The following APOL6 variants were observed in gnomAD, a reference collection of about 807,000 sequenced individuals.
APOL6 encodes apolipoprotein L, 6.
In APOL6, 1 loss-of-function variant was observed where a neutral mutation model predicts 2.4. The observed-to-expected ratio is 0.41, with a 90% CI of 0.15 to 1.94. The LOEUF is 1.94. APOL6 is among the 30% of genes most tolerant of loss of function. APOL6 has a pLI of 0.30. For missense variants in APOL6, 438 were observed against 429.2 expected (o/e 1.02, Z -0.18); for synonymous variants, 189 against 169.3 (o/e 1.12, Z -0.90).
chr22:35,648,889 A>C (rs1245918062), intron 1 of APOL6, among the ~76,000 whole-genome samples: 1 of 152,192 alleles, frequency 6.6e-6, no homozygotes, highest in Non-Finnish European at 1.5e-5. Context: ...GCCAAGTTGC[A>C]TTTGTCCCTC....
rs949327724 is a variant in APOL6 at position 35,660,246 on chromosome 22, T to C, written c.*650T>C. On this transcript the variant is annotated 3_prime_UTR_variant, in exon 3 of 3. Coordinates refer to ENST00000409652, the MANE Select transcript of APOL6 (RefSeq NM_030641.4). ...GCCATAGGGTGAGGTCCTAACCCGA[T>C]GGAATTGACTTCTTTATAAGAGGAG... 1 of 152,438 alleles carries C rather than the reference T, an allele frequency of 6.6e-6. No individual in the cohort carries two copies. Among genetic ancestry groups the C allele is most frequent in the Non-Finnish European group, 1.5e-5 (1 of 68,230 alleles). 9.4% of individuals were successfully genotyped at this position (152,438 alleles called of 1,614,324 possible).
intron 2 of APOL6, among the ~76,000 whole-genome samples, chr22:35,657,245 T>C (rs1924870052): frequency 6.6e-6 from 1 of 152,208 alleles, no homozygotes; most frequent in Admixed American, 6.5e-5. Context: ...TGGCATCTTT[T>C]ATGTCTGGGG....
Position 35,667,600 on chromosome 22 carries a change from G to A in APOL6, c.*8004G>A, listed in dbSNP as rs1486182117. ...TATCTGCAATTTTCACATTCATTAG[G>A]TTTCAACATATAAACTTTCAGGGGA... is the stretch of plus-strand genomic sequence containing the variant. On this transcript the variant is annotated 3_prime_UTR_variant, in exon 3 of 3. Coordinates refer to ENST00000409652, the MANE Select transcript of APOL6 (RefSeq NM_030641.4). 2 of 152,128 alleles carry A rather than the reference G, an allele frequency of 1.3e-5. No homozygotes were observed. The highest frequency in any genetic ancestry group is 2.9e-5 in the Non-Finnish European group (2 of 68,020). The allele number at this position is 152,128 out of a possible 1,614,324, so 9.4% of individuals were successfully genotyped here.
chr22:35,658,999 A>G lies in APOL6; in HGVS notation c.435A>G (p.Ile145Met). ...NKEAQARAED[I>M]LPTYDQEDRE... ...AAGCCCAAGCACGGGCGGAAGACAT[A>G]CTGCCCACCTACGACCAAGAGGACA... Residue 145 changes from isoleucine to methionine, a missense_variant, in exon 3 of 3, where the codon ATA becomes ATG. Transcript: ENST00000409652. The G allele has an allele frequency of 6.2e-7, 1 of 1,613,894 alleles. No homozygotes were observed. Among genetic ancestry groups the G allele is most frequent in the Non-Finnish European group, 8.5e-7 (1 of 1,180,020 alleles).
At position 35,666,207 on chromosome 22, in the gene APOL6, C is replaced by T. The variant is rs1311798829; in HGVS notation, c.*6611C>T. 1 of 152,160 alleles carries T rather than the reference C, an allele frequency of 6.6e-6. No homozygotes were observed. Among genetic ancestry groups the T allele is most frequent in the Non-Finnish European group, 1.5e-5 (1 of 68,036 alleles). The allele number at this position is 152,160 out of a possible 1,614,324, so 9.4% of individuals were successfully genotyped here. On this transcript the variant is annotated 3_prime_UTR_variant, in exon 3 of 3. Transcript: ENST00000409652. The stretch of plus-strand genomic sequence containing the variant: ...TTTCCTTGTCAGTTTTGTCTTTTGA[C>T]TATGGCTGCCTTAAAACTTTTTTCT...
chr22:35,653,698 CCTT>C (rs1288368163), intron 1 of APOL6, among the ~76,000 whole-genome samples: 2 of 152,136 alleles, frequency 1.3e-5, no homozygotes, highest in East Asian at 1.9e-4. Flanking sequence ...CACCAATTTA[CCTT>C]CTTCTGGTCA....
Position 35,658,577 on chromosome 22 carries a change from G to T in APOL6, c.51-38G>T, listed in dbSNP as rs546774635. On this transcript the variant is annotated intron_variant, in intron 2 of 2. Coordinates refer to ENST00000409652, the MANE Select transcript of APOL6 (RefSeq NM_030641.4). ...AGAGCCACATGGGTTTTCCCATCTG[G>T]GAAGCTGAAGCAAAATCTTTATTTC... The T allele has an allele frequency of 6.4e-5, 99 of 1,536,472 alleles. 2 individuals carry two copies. In the South Asian group the frequency reaches 1.1e-3, roughly 17 times the overall value.
intron 2 of APOL6, among the ~76,000 whole-genome samples, 187 bp downstream of exon 2, chr22:35,656,662 A>G (rs998172207): frequency 2.0e-5 from 3 of 152,194 alleles, no homozygotes; most frequent in Admixed American, 1.3e-4. Flanking sequence ...ATGGAGCTAA[A>G]GTAAATATTT....
rs1925005019 is a variant in APOL6, at chr22:35,660,897, G to A, written c.*1301G>A. The A allele has an allele frequency of 6.6e-6, 1 of 152,200 alleles. No homozygotes were observed. The highest frequency in any genetic ancestry group is 1.5e-5 in the Non-Finnish European group (1 of 68,038). 9.4% of individuals were successfully genotyped at this position (152,200 alleles called of 1,614,324 possible). On this transcript the variant is annotated 3_prime_UTR_variant, in exon 3 of 3. Coordinates refer to ENST00000409652, the MANE Select transcript of APOL6 (RefSeq NM_030641.4). ...TCCTTTCTAGACCTTGAAGGTTTAA[G>A]AATTTGAATCTATAAAACAAGCTGA...
At position 35,666,363 on chromosome 22, in the gene APOL6, C is replaced by A. The variant is rs1925183237; in HGVS notation, c.*6767C>A. Reference sequence around the variant, plus strand: ...TCTTGGCTCACTGCAACTGCCACCTCCCAGGTTCAAGCGGTTCTCCTGCCT... The same window carrying A: ...TCTTGGCTCACTGCAACTGCCACCTACCAGGTTCAAGCGGTTCTCCTGCCT... On this transcript the variant is annotated 3_prime_UTR_variant, in exon 3 of 3. Coordinates refer to ENST00000409652, the MANE Select transcript of APOL6 (RefSeq NM_030641.4). 6.6e-6 allele frequency: 1 copy of A among 152,206 alleles called. No individual in the cohort carries two copies. Among genetic ancestry groups the A allele is most frequent in the African/African-American group, 2.4e-5 (1 of 41,428 alleles). The allele number at this position is 152,206 out of a possible 1,614,324, so 9.4% of individuals were successfully genotyped here.
At position 35,656,525 on chromosome 22, in the gene APOL6, GC is replaced by G. The variant is rs750904747; in HGVS notation, c.50+51del. 1.1e-5 allele frequency: 17 copies of G among 1,601,664 alleles called. No homozygotes were observed. In the African/African-American group the frequency reaches 2.1e-4, roughly 20 times the overall value. On this transcript the variant is annotated intron_variant, in intron 2 of 2. Transcript: ENST00000409652. ...GGGAGAGGGCTGATTCTGTTGAAAT[GC>G]TGCAGGCATCCTCACGATAAGGAAT...
chr22:35,660,553 T>A lies in APOL6; in HGVS notation c.*957T>A, dbSNP rs957829314. The A allele has an allele frequency of 6.6e-6, 1 of 152,296 alleles. No individual in the cohort carries two copies. The highest frequency in any genetic ancestry group is 2.4e-5 in the African/African-American group (1 of 41,476). 9.4% of individuals were successfully genotyped at this position (152,296 alleles called of 1,614,324 possible). A position where few individuals can be genotyped will look rare whatever the true frequency, so the allele number is the denominator to read the frequency against. The stretch of plus-strand genomic sequence containing the variant: ...TTATGTCACTCGCCAAGTGTCTTAG[T>A]CTGTTTGTGCTGCTATAACAAAATA... On this transcript the variant is annotated 3_prime_UTR_variant, in exon 3 of 3. Coordinates refer to ENST00000409652, the MANE Select transcript of APOL6 (RefSeq NM_030641.4).
chr22:35,657,276 G>A (rs1037413659), intron 2 of APOL6, among the ~76,000 whole-genome samples: 1 of 152,148 alleles, frequency 6.6e-6, no homozygotes, highest in Non-Finnish European at 1.5e-5. Flanking sequence ...GGGCCACCCC[G>A]CTTGCCTTCA....
At chr22:35,653,717 A>G (rs1924764811) in intron 1 of APOL6, among the ~76,000 whole-genome samples, 1 of 151,984 alleles carries the variant, frequency 6.6e-6, no homozygotes, top group African/African-American at 2.4e-5. Context: ...GGTCACCAAA[A>G]TATGTGAGTT....
chr22:35,659,948 G>C lies in APOL6; in HGVS notation c.*352G>C. 2 of 203,678 alleles carry C rather than the reference G, an allele frequency of 9.8e-6. No individual in the cohort carries two copies. The highest frequency in any genetic ancestry group is 1.0e-4 in the Admixed American group (2 of 19,238). The allele number at this position is 203,678 out of a possible 1,614,324, so 12.6% of individuals were successfully genotyped here. A position where few individuals can be genotyped will look rare whatever the true frequency, so the allele number is the denominator to read the frequency against. On this transcript the variant is annotated 3_prime_UTR_variant, in exon 3 of 3. Transcript: ENST00000409652. Reference sequence around the variant, plus strand: ...GCCCAGCTAATTTTGGTATTTTTTTGTAGAGACAGGGTTTCACCATTTTGG... The same window carrying C: ...GCCCAGCTAATTTTGGTATTTTTTTCTAGAGACAGGGTTTCACCATTTTGG...
intron 1 of APOL6, among the ~76,000 whole-genome samples, chr22:35,655,038 C>T (rs2145955241): frequency 6.6e-6 from 1 of 152,244 alleles, no homozygotes; most frequent in East Asian, 1.9e-4. Context: ...TATTTGTCTA[C>T]CCACAATTTG....
chr22:35,651,760 G>A (rs1265446265), intron 1 of APOL6, among the ~76,000 whole-genome samples: 1 of 152,166 alleles, frequency 6.6e-6, no homozygotes, highest in African/African-American at 2.4e-5. Flanking sequence ...GTATTCCATG[G>A]TGTATATGTG....
At chr22:35,657,002 A>G (rs1924862796) in intron 2 of APOL6, among the ~76,000 whole-genome samples, 1 of 152,254 alleles carries the variant, frequency 6.6e-6, no homozygotes, top group Non-Finnish European at 1.5e-5. Flanking sequence ...GCCAGTAGAC[A>G]TCACCAGCTG....
In APOL6 at chr22:35,656,451, G is replaced by A; in HGVS notation, c.26G>A (p.Ser9Asn). 3.1e-6 allele frequency: 5 copies of A among 1,614,164 alleles called. No homozygotes were observed. Among genetic ancestry groups the A allele is most frequent in the Non-Finnish European group, 3.4e-6 (4 of 1,179,998 alleles). Residue 9 changes from serine to asparagine, a missense_variant, in exon 2 of 3, where the codon AGT becomes AAT. By Grantham distance (46) the Ser-to-Asn change is conservative. Coordinates refer to ENST00000409652, the MANE Select transcript of APOL6 (RefSeq NM_030641.4). Reference protein sequence around the residue: MDNQAERESEAGVGLQRDE... With the variant: MDNQAERENEAGVGLQRDE... ...ATGGACAACCAGGCGGAGAGAGAAAGTGAGGCTGGTGTTGGTTTGCAAAGG... is the reference window on the plus strand; with the variant it reads ...ATGGACAACCAGGCGGAGAGAGAAAATGAGGCTGGTGTTGGTTTGCAAAGG...
Sources: allele counts gnomAD v4.1 joint callset (sites outside exome capture counted in the v4.1 genomes callset), GRCh38; gene constraint gnomAD v4.1.1; transcripts MANE v1.5; gene names NCBI Gene and HGNC (gene_info 2026-07-23, HGNC 2026-07-21).